Variants in NAALADL2 observed in about 807,000 individuals in gnomAD.
NAALADL2 encodes the protein N-acetylated alpha-linked acidic dipeptidase like 2, also known as inactive N-acetylated-alpha-linked acidic dipeptidase-like protein 2.
A neutral mutation model predicts 87.2 loss-of-function variants in NAALADL2; 76 were observed. That is an observed-to-expected ratio of 0.87 (90% CI 0.72 to 1.05). NAALADL2 has a LOEUF of 1.05. Among genes scored for constraint, NAALADL2 ranks in the 50% least tolerant of loss-of-function variants. The pLI is 0.00. For missense variants in NAALADL2, 1,089 were observed against 945.8 expected (o/e 1.15, Z -1.99); for synonymous variants, 354 against 331.0 (o/e 1.07, Z -0.75).
intron 2 of NAALADL2, among the ~76,000 whole-genome samples, chr3:175,111,660 G>T (rs1724216934): frequency 6.6e-6 from 1 of 151,602 alleles, no homozygotes; most frequent in South Asian, 2.1e-4. Context: ...TTCAGCGGTG[G>T]TCTACACATG....
At chr3:175,742,503 T>C (rs1484871659) in intron 12 of NAALADL2, among the ~76,000 whole-genome samples, 1 of 152,156 alleles carries the variant, frequency 6.6e-6, no homozygotes, top group Non-Finnish European at 1.5e-5. Flanking sequence ...GTTCACGCCA[T>C]TCTCCTGCCT....
At chr3:175,177,839 G>GTGAGTGTA (rs1361007599) in intron 2 of NAALADL2, among the ~76,000 whole-genome samples, 2 of 70,312 alleles carry the variant, frequency 2.8e-5, no homozygotes, top group Non-Finnish European at 7.6e-5. Context: ...AGGGTACAGT[G>GTGAGTGTA]TGTGTGTATG....
At chr3:175,058,287 C>G (rs1485286631) in intron 1 of NAALADL2, among the ~76,000 whole-genome samples, 1 of 152,178 alleles carries the variant, frequency 6.6e-6, no homozygotes, top group Non-Finnish European at 1.5e-5. Flanking sequence ...ATTCTAGTAA[C>G]TTTTGGTTGA....
chr3:174,751,712 A>G (rs1578785318), intron 3 of NAALADL2, among the ~76,000 whole-genome samples: 1 of 151,842 alleles, frequency 6.6e-6, no homozygotes, highest in African/African-American at 2.4e-5. Context: ...TTGGAAATTC[A>G]TTAATTCTTG....
intron 11 of NAALADL2, among the ~76,000 whole-genome samples, chr3:175,684,449 T>C (rs551709068): frequency 1.3e-5 from 2 of 152,284 alleles, no homozygotes; most frequent in South Asian, 2.1e-4. Context: ...TATAAAGTTA[T>C]TTTCTAAATC....
chr3:175,037,045 C>A (rs1001286516), intron 1 of NAALADL2, among the ~76,000 whole-genome samples: 9 of 151,934 alleles, frequency 5.9e-5, no homozygotes, highest in African/African-American at 2.2e-4. Context: ...CCGAGAGTAC[C>A]CTGCTTGGGC....
chr3:175,081,572 A>G (rs1717829364), intron 1 of NAALADL2, among the ~76,000 whole-genome samples: 1 of 152,150 alleles, frequency 6.6e-6, no homozygotes, highest in South Asian at 2.1e-4. Flanking sequence ...ACTGGCCTCT[A>G]ATATGTACCT....
intron 2 of NAALADL2, among the ~76,000 whole-genome samples, chr3:175,232,136 A>AGGAAGG (rs1745031595): frequency 6.6e-6 from 1 of 151,510 alleles, no homozygotes; most frequent in Non-Finnish European, 1.5e-5. Flanking sequence ...GAAGGGGAAG[A>AGGAAGG]GGAAGAGGAA....
At chr3:175,687,480 C>T (rs1270330011) in intron 11 of NAALADL2, among the ~76,000 whole-genome samples, 1 of 152,058 alleles carries the variant, frequency 6.6e-6, no homozygotes, top group Admixed American at 6.6e-5. Context: ...ACATAACAGC[C>T]GCATTTAATC....
At chr3:174,953,090 C>T (rs1045738027) in intron 1 of NAALADL2, among the ~76,000 whole-genome samples, 1 of 151,894 alleles carries the variant, frequency 6.6e-6, no homozygotes, top group Non-Finnish European at 1.5e-5. Flanking sequence ...TTATAAGAAT[C>T]CCAGGTTTAC....
intron 2 of NAALADL2, among the ~76,000 whole-genome samples, chr3:174,622,541 C>T (rs62284670): frequency 0.36 from 54,271 of 151,808 alleles, 10,879 homozygotes; most frequent in Middle Eastern, 0.5. Flanking sequence ...CTCCAAATTT[C>T]ACTACTAATA....
intron 3 of NAALADL2, among the ~76,000 whole-genome samples, chr3:174,816,315 G>A (rs1211056444): frequency 6.7e-6 from 1 of 150,356 alleles, no homozygotes; most frequent in Non-Finnish European, 1.5e-5. Context: ...CTCTTTCTAT[G>A]TATAATGCTC....
chr3:175,596,586 A>G (rs1722272931), intron 10 of NAALADL2, among the ~76,000 whole-genome samples: 2 of 151,936 alleles, frequency 1.3e-5, no homozygotes, highest in African/African-American at 4.8e-5. Context: ...GAGCGAATCC[A>G]GACTGAGTTT....
At chr3:175,208,846 T>C (rs1741354093) in intron 2 of NAALADL2, among the ~76,000 whole-genome samples, 1 of 152,160 alleles carries the variant, frequency 6.6e-6, no homozygotes, top group Non-Finnish European at 1.5e-5. Flanking sequence ...TGGAATAAAT[T>C]TTTATTCCTT....
chr3:175,040,493 T>C (rs1753939028), intron 1 of NAALADL2, among the ~76,000 whole-genome samples: 1 of 152,134 alleles, frequency 6.6e-6, no homozygotes, highest in African/African-American at 2.4e-5. Context: ...AAAGTGTCAG[T>C]GCAGTGTAAG....
intron 1 of NAALADL2, among the ~76,000 whole-genome samples, chr3:174,484,979 A>G (rs2108337188): frequency 6.6e-6 from 1 of 152,156 alleles, no homozygotes; most frequent in South Asian, 2.1e-4. Flanking sequence ...ACATTAGGAC[A>G]TTGCAATGGA....
At chr3:174,483,785 A>C (rs967111806) in intron 1 of NAALADL2, among the ~76,000 whole-genome samples, 1 of 152,042 alleles carries the variant, frequency 6.6e-6, no homozygotes, top group African/African-American at 2.4e-5. Flanking sequence ...CAAAAAATAC[A>C]TGAAAATAGA....
At position 175,590,338 on chromosome 3, in the gene NAALADL2, AT is replaced by A. The variant is rs374385420; in HGVS notation, c.1800+14166del. On this transcript the variant is annotated intron_variant, in intron 10 of 13. Coordinates refer to ENST00000454872, the MANE Select transcript of NAALADL2 (RefSeq NM_207015.3). ...CAATGTCAATTGATTGACCTGTTGA[AT>A]TTTTTTTTTTTTTTGGAAAGAATAG... Among the ~76,000 whole-genome samples, 187 of 133,450 alleles carry A rather than the reference AT, an allele frequency of 1.4e-3. 1 individual carries two copies. The highest frequency in any genetic ancestry group is 3.8e-3 in the Middle Eastern group (1 of 260). The allele number at this position is 133,450 out of a possible 152,430, so 87.5% of individuals were successfully genotyped here.
At chr3:175,229,500 T>G (rs577264350) in intron 2 of NAALADL2, among the ~76,000 whole-genome samples, 1 of 152,142 alleles carries the variant, frequency 6.6e-6, no homozygotes, top group South Asian at 2.1e-4. Flanking sequence ...ATTAGATAAT[T>G]AGTAAACAAC....
Sources: gnomAD v4.1 joint callset for allele counts (sites outside exome capture counted in the v4.1 genomes callset) on GRCh38, gnomAD v4.1.1 for gene constraint, MANE v1.5 for transcripts, NCBI Gene and HGNC (gene_info 2026-07-23, HGNC 2026-07-21) for gene names.